Variants in ITGB8 observed in about 807,000 individuals in gnomAD.
The protein encoded by ITGB8 is integrin subunit beta 8.
A neutral mutation model predicts 89.5 loss-of-function variants in ITGB8; 30 were observed. The observed-to-expected ratio is 0.34, with a 90% CI of 0.25 to 0.45. ITGB8 has a LOEUF of 0.45. Ranked by LOEUF, ITGB8 falls within the 20% of genes least tolerant of loss-of-function variation. The pLI, the probability that ITGB8 is intolerant of heterozygous loss-of-function variation, is 1.00. For synonymous variants in ITGB8, 335 were observed against 320.4 expected (o/e 1.05, Z -0.49); for missense variants, 836 against 933.3 (o/e 0.90, Z 1.36).
intron 1 of ITGB8, among the ~76,000 whole-genome samples, chr7:20,359,689 G>T: frequency 6.6e-6 from 1 of 152,100 alleles, no homozygotes; most frequent in East Asian, 1.9e-4. Context: ...GTGTGTGTGT[G>T]TGGGAGAGAG....
intron 1 of ITGB8, among the ~76,000 whole-genome samples, chr7:20,351,413 C>T (rs1158665681): frequency 1.3e-5 from 2 of 152,226 alleles, no homozygotes; most frequent in Non-Finnish European, 2.9e-5. Flanking sequence ...AGTTTTCCAT[C>T]TGTAAAATGG....
At position 20,367,089 on chromosome 7, in the gene ITGB8, T is replaced by C; in HGVS notation, c.291T>C (p.Asp97=). ...TAATAAGCAAAGGCTGCTCAGTTGA[T>C]TCAATAGAATACCCATCTGTGCATG... is the stretch of plus-strand genomic sequence containing the variant. ...SNLISKGCSV[D]SIEYPSVHVI... The change falls in exon 3 of 14, where the codon GAT becomes GAC. Residue 97 remains aspartate (D), a synonymous_variant. Transcript: ENST00000222573. The C allele has an allele frequency of 6.2e-7, 1 of 1,609,910 alleles. No individual in the cohort carries two copies. The highest frequency in any genetic ancestry group is 1.3e-5 in the African/African-American group (1 of 74,944).
intron 1 of ITGB8, among the ~76,000 whole-genome samples, chr7:20,343,935 G>C (rs1380475878): frequency 6.6e-6 from 1 of 152,012 alleles, no homozygotes; most frequent in Admixed American, 6.6e-5. Flanking sequence ...AACTTTCTTT[G>C]GTATTTGAAA....
rs758416175 is a variant in ITGB8 at position 20,401,861 on chromosome 7, C to A, written c.1422C>A (p.Asn474Lys). The change falls in exon 10 of 14, where the codon AAC (asparagine) becomes AAA (lysine). Residue 474 changes from asparagine to lysine, a missense_variant. Physicochemically the swap from Asn to Lys is moderately conservative, Grantham distance 94. Transcript: ENST00000222573. ...ACTGCAGCTGTCAGTGTGAGGACAA[C>A]AGAGGACCTAAAGGAAAGTGTGTAG... is the stretch of plus-strand genomic sequence containing the variant. Reference protein sequence around the residue: ...HRNCSCQCEDNRGPKGKCVDE... With the variant: ...HRNCSCQCEDKRGPKGKCVDE... 5.0e-6 allele frequency: 8 copies of A among 1,614,094 alleles called. No individual in the cohort carries two copies. The East Asian group carries it at 1.8e-4, about 36-fold the overall frequency.
chr7:20,413,489 G>C lies in ITGB8; in HGVS notation c.*3492G>C, dbSNP rs1442442396. ...TAGAATTATATTCTTCCTGGAACCT[G>C]GTAGAGTAGATTAGACTCAAAGGCT... On this transcript the variant is annotated 3_prime_UTR_variant, in exon 14 of 14. Coordinates refer to ENST00000222573, the MANE Select transcript of ITGB8 (RefSeq NM_002214.3). 1 of 152,464 alleles carries C rather than the reference G, an allele frequency of 6.6e-6. No homozygotes were observed. Among genetic ancestry groups the C allele is most frequent in the Non-Finnish European group, 1.5e-5 (1 of 67,962 alleles). 9.4% of individuals were successfully genotyped at this position (152,464 alleles called of 1,614,324 possible). A position where few individuals can be genotyped will look rare whatever the true frequency, so the allele number is the denominator to read the frequency against.
intron 8 of ITGB8, among the ~76,000 whole-genome samples, chr7:20,396,178 C>G (rs577379759): frequency 2.6e-5 from 4 of 152,262 alleles, no homozygotes; most frequent in Admixed American, 1.3e-4. Context: ...GTGGTTCATG[C>G]CTGTAATCCC....
chr7:20,331,455 G>A lies in ITGB8; in HGVS notation c.-352G>A. The A allele has an allele frequency of 2.4e-6, 1 of 412,854 alleles. No individual in the cohort carries two copies. The allele number at this position is 412,854 out of a possible 1,614,324, so 25.6% of individuals were successfully genotyped here. A position where few individuals can be genotyped will look rare whatever the true frequency, so the allele number is the denominator to read the frequency against. ...GATTTATGCAGCAGAAGCCCCACCGGCTGGAGAGAAACAAAAGCTCTTTTC... is the reference window on the plus strand; with the variant it reads ...GATTTATGCAGCAGAAGCCCCACCGACTGGAGAGAAACAAAAGCTCTTTTC... On this transcript the variant is annotated 5_prime_UTR_variant, in exon 1 of 14. Transcript: ENST00000222573.
rs1032019215 is a variant in ITGB8 at position 20,331,185 on chromosome 7, G to T, written c.-622G>T. ...TTCCTCCCTTGCCAGCCAGGACGCT[G>T]CCGACTTGTCTTTGCCCGCTGCTCC... On this transcript the variant is annotated 5_prime_UTR_variant, in exon 1 of 14. Coordinates refer to ENST00000222573, the MANE Select transcript of ITGB8 (RefSeq NM_002214.3). The T allele has an allele frequency of 5.6e-6, 1 of 177,446 alleles. No individual in the cohort carries two copies. The highest frequency in any genetic ancestry group is 2.3e-5 in the African/African-American group (1 of 42,668). The allele number at this position is 177,446 out of a possible 1,614,324, so 11.0% of individuals were successfully genotyped here.
chr7:20,370,584 TTTA>T (rs1170493137), intron 3 of ITGB8, among the ~76,000 whole-genome samples: 1 of 141,904 alleles, frequency 7.0e-6, no homozygotes, highest in East Asian at 2.0e-4. Flanking sequence ...CACTACTTTA[TTTA>T]TTTATTTACT....
intron 3 of ITGB8, among the ~76,000 whole-genome samples, chr7:20,376,471 A>ATAT (rs1205131772): frequency 6.6e-6 from 1 of 152,212 alleles, no homozygotes; most frequent in African/African-American, 2.4e-5. Flanking sequence ...TAGGGACACA[A>ATAT]TATCCACAGT....
intron 3 of ITGB8, among the ~76,000 whole-genome samples, chr7:20,370,298 T>C (rs1785875731): frequency 6.6e-6 from 1 of 151,634 alleles, no homozygotes; most frequent in South Asian, 2.1e-4. Flanking sequence ...TTAAGAAATA[T>C]TAAGCACAAA....
At chr7:20,337,267 A>G (rs181656802) in intron 1 of ITGB8, among the ~76,000 whole-genome samples, 1 of 152,220 alleles carries the variant, frequency 6.6e-6, no homozygotes, top group Non-Finnish European at 1.5e-5. Context: ...ATTTGTAGTC[A>G]TTTTCAACTA....
chr7:20,370,492 T>TA (rs2127950873), intron 3 of ITGB8, among the ~76,000 whole-genome samples: 1 of 151,402 alleles, frequency 6.6e-6, no homozygotes, highest in South Asian at 2.1e-4. Context: ...ACATTAGGTC[T>TA]AAATGCTTTC....
At chr7:20,373,205 T>G (rs1786005822) in intron 3 of ITGB8, among the ~76,000 whole-genome samples, 1 of 152,242 alleles carries the variant, frequency 6.6e-6, no homozygotes, top group Admixed American at 6.5e-5. Flanking sequence ...TAGGACTATA[T>G]TTTAATTGGA....
At chr7:20,382,014 T>C (rs1786419921) in intron 6 of ITGB8, 129 bp downstream of exon 6, 1 of 736,638 alleles carries the variant, frequency 1.4e-6, no homozygotes, top group Non-Finnish European at 2.2e-6. Context: ...GGATAAGCCA[T>C]GAGAGAGAAT....
Position 20,402,014 on chromosome 7 carries a change from T to C in ITGB8, c.1575T>C (p.Val525=), listed in dbSNP as rs769607147. ...KDQPVCSGRG[V]CVCGKCSCHK... Reference sequence around the variant, plus strand: ...AGCCTGTTTGCAGTGGTCGAGGAGTTTGTGTTTGTGGGAAATGTTCATGTC... The same window carrying C: ...AGCCTGTTTGCAGTGGTCGAGGAGTCTGTGTTTGTGGGAAATGTTCATGTC... Residue 525 remains valine (V), a synonymous_variant, in exon 10 of 14, where the codon GTT becomes GTC. Coordinates refer to ENST00000222573, the MANE Select transcript of ITGB8 (RefSeq NM_002214.3). The C allele has an allele frequency of 1.2e-6, 2 of 1,614,148 alleles. No individual in the cohort carries two copies. Among genetic ancestry groups the C allele is most frequent in the East Asian group, 2.2e-5 (1 of 44,880 alleles).
intron 1 of ITGB8, among the ~76,000 whole-genome samples, chr7:20,351,959 C>A (rs1297122887): frequency 2.6e-5 from 4 of 152,082 alleles, no homozygotes; most frequent in African/African-American, 9.7e-5. Context: ...GCCCCTGGAA[C>A]TCTAGTGTGT....
intron 7 of ITGB8, among the ~76,000 whole-genome samples, 184 bp downstream of exon 7, chr7:20,391,682 T>G (rs2127973376): frequency 6.6e-6 from 1 of 152,338 alleles, no homozygotes; most frequent in African/African-American, 2.4e-5. Context: ...TAAATTCTAT[T>G]TAGGTTTGTA....
At chr7:20,330,811 C>T (rs1784352029), upstream of ITGB8, 2 of 152,324 alleles carry the variant, frequency 1.3e-5, no homozygotes, top group South Asian at 4.1e-4. Context: ...ACCCGCAGGT[C>T]TGGAGCCCCC....
Sources: gnomAD v4.1 joint callset for allele counts (sites outside exome capture counted in the v4.1 genomes callset) on GRCh38, gnomAD v4.1.1 for gene constraint, MANE v1.5 for transcripts, NCBI Gene and HGNC (gene_info 2026-07-23, HGNC 2026-07-21) for gene names.